The following SUGCT variants were observed in gnomAD, a reference collection of about 807,000 sequenced individuals.
SUGCT encodes the protein succinyl-CoA:glutarate CoA-transferase.
A neutral mutation model predicts 55.0 loss-of-function variants in SUGCT; 41 were observed. That is an observed-to-expected ratio of 0.74 (90% CI 0.58 to 0.97). The LOEUF (loss-of-function observed/expected upper bound fraction) is 0.97, where lower values mean the gene tolerates loss of function less well. Ranked by LOEUF, SUGCT falls within the 50% of genes least tolerant of loss-of-function variation. The probability of loss-of-function intolerance (pLI) is 0.00; values close to 1 mark genes in which losing one functional copy is unlikely to be tolerated. For missense variants in SUGCT, 568 were observed against 547.8 expected, an observed-to-expected ratio of 1.04 and a Z score of -0.37; for synonymous variants, 187 against 200.4, an observed-to-expected ratio of 0.93 and a Z score of 0.56.
the SUGCT span, among the ~76,000 whole-genome samples, chr7:40,985,090 G>A: frequency 6.6e-6 from 1 of 152,166 alleles, no homozygotes; most frequent in South Asian, 2.1e-4. Context: ...TTGGGTGTAT[G>A]TTTTAACTAG....
chr7:40,493,557 C>G (rs1234196377), intron 11 of SUGCT, among the ~76,000 whole-genome samples: 1 of 152,058 alleles, frequency 6.6e-6, no homozygotes, highest in African/African-American at 2.4e-5. Flanking sequence ...ATACTCATTC[C>G]CAGTATTAAG....
the SUGCT span, among the ~76,000 whole-genome samples, chr7:40,987,462 G>T: frequency 1.1e-4 from 17 of 152,134 alleles, no homozygotes; most frequent in Non-Finnish European, 1.8e-4. Context: ...ACTTAATAAG[G>T]TTTGTGTTAC....
chr7:40,858,645 TA>T (rs1794324584), intron 13 of SUGCT, among the ~76,000 whole-genome samples: 1 of 152,148 alleles, frequency 6.6e-6, no homozygotes, highest in African/African-American at 2.4e-5. Flanking sequence ...GTCAGATGCC[TA>T]AACCATCACA....
intron 13 of SUGCT, among the ~76,000 whole-genome samples, chr7:40,809,470 CTT>C (rs1385770270): frequency 6.6e-6 from 1 of 152,048 alleles, no homozygotes; most frequent in Non-Finnish European, 1.5e-5. Context: ...AAAAAAGTAA[CTT>C]ATTTTTCTAC....
At chr7:40,970,068 T>G in the SUGCT span, among the ~76,000 whole-genome samples, 1 of 152,198 alleles carries the variant, frequency 6.6e-6, no homozygotes, top group Admixed American at 6.5e-5. Flanking sequence ...AAAATATTGA[T>G]GGCAATACAA....
intron 12 of SUGCT, among the ~76,000 whole-genome samples, chr7:40,609,462 G>A (rs1798673414): frequency 6.6e-6 from 1 of 151,390 alleles, no homozygotes; most frequent in Admixed American, 6.6e-5. Context: ...AGCTACTTGG[G>A]AGGCTGAGGC....
At chr7:40,566,258 C>G (rs1190721557) in intron 12 of SUGCT, among the ~76,000 whole-genome samples, 1 of 123,984 alleles carries the variant, frequency 8.1e-6, no homozygotes, top group Admixed American at 8.3e-5. Context: ...AACACAGATA[C>G]TATTAGTATT....
At chr7:40,378,221 C>G (rs200791018) in intron 9 of SUGCT, among the ~76,000 whole-genome samples, 1 of 120,438 alleles carries the variant, frequency 8.3e-6, no homozygotes, top group Admixed American at 8.1e-5. Context: ...CTCTCTTCTC[C>G]TCTTTTTTTT....
At chr7:40,315,197 C>T (rs1795362281) in intron 8 of SUGCT, among the ~76,000 whole-genome samples, 1 of 152,198 alleles carries the variant, frequency 6.6e-6, no homozygotes, top group Non-Finnish European at 1.5e-5. Context: ...AGGTAAATTA[C>T]ATACCCACAG....
intron 13 of SUGCT, among the ~76,000 whole-genome samples, chr7:40,844,157 C>T (rs996655223): frequency 2.6e-5 from 4 of 152,116 alleles, no homozygotes; most frequent in African/African-American, 9.7e-5. Flanking sequence ...GAAGGGGTGT[C>T]TGCAACTCCC....
the SUGCT span, among the ~76,000 whole-genome samples, chr7:40,923,993 A>G: frequency 1.3e-5 from 2 of 152,110 alleles, no homozygotes; most frequent in Admixed American, 6.6e-5. Context: ...TCTCTCATGA[A>G]TGGGATTAGT....
In SUGCT at chr7:40,145,441, C is replaced by G. The variant is rs576701997; in HGVS notation, c.100+10321C>G. On this transcript the variant is annotated intron_variant, in intron 1 of 13. Transcript: ENST00000335693. ...TTGCAACATCCCTTTCTTTAAACAACCAGTTAATTTATTTTAGGACAAGAA... is the reference window on the plus strand; with the variant it reads ...TTGCAACATCCCTTTCTTTAAACAAGCAGTTAATTTATTTTAGGACAAGAA... 1.6e-4 allele frequency among the ~76,000 whole-genome samples: 25 copies of G among 152,052 alleles called. No individual in the cohort carries two copies. The South Asian group carries it at 5.0e-3, about 30-fold the overall frequency.
chr7:40,650,139 C>T (rs1458124685), intron 12 of SUGCT, among the ~76,000 whole-genome samples: 1 of 152,150 alleles, frequency 6.6e-6, no homozygotes, highest in African/African-American at 2.4e-5. Flanking sequence ...TGGATGGAGG[C>T]CTCTCTCAGT....
intron 13 of SUGCT, among the ~76,000 whole-genome samples, chr7:40,815,875 C>A (rs1355590819): frequency 1.3e-5 from 2 of 152,302 alleles, no homozygotes; most frequent in Admixed American, 1.3e-4. Context: ...GTACCACAGT[C>A]TATGCCCAGG....
intron 12 of SUGCT, among the ~76,000 whole-genome samples, chr7:40,511,600 A>C (rs1792934980): frequency 6.6e-6 from 1 of 152,230 alleles, no homozygotes; most frequent in African/African-American, 2.4e-5. Flanking sequence ...AGTATGTGAA[A>C]ACTTCACTTT....
At chr7:40,274,389 G>T in intron 7 of SUGCT, 124 bp from the exon 8 acceptor site, 1 of 920,276 alleles carries the variant, frequency 1.1e-6, no homozygotes, top group Non-Finnish European at 1.6e-6. Context: ...ACTTTCTTGT[G>T]TGTATGTGTC....
chr7:40,311,440 T>A (rs1242860029), intron 8 of SUGCT, among the ~76,000 whole-genome samples: 1 of 152,250 alleles, frequency 6.6e-6, no homozygotes, highest in Non-Finnish European at 1.5e-5. Flanking sequence ...TCTGAAATGA[T>A]CATTCTGCAA....
downstream of SUGCT, among the ~76,000 whole-genome samples, chr7:40,861,138 T>C (rs996224904): frequency 6.6e-6 from 1 of 152,222 alleles, no homozygotes; most frequent in Non-Finnish European, 1.5e-5. Context: ...AGAAAGTCAA[T>C]ATTCCCAGTG....
intron 12 of SUGCT, among the ~76,000 whole-genome samples, chr7:40,586,689 A>G (rs1257733586): frequency 6.6e-6 from 1 of 152,204 alleles, no homozygotes; most frequent in Non-Finnish European, 1.5e-5. Flanking sequence ...TTTACAGGCC[A>G]CATACTAGTT....
Sources: allele counts gnomAD v4.1 joint callset (sites outside exome capture counted in the v4.1 genomes callset), GRCh38; gene constraint gnomAD v4.1.1; transcripts MANE v1.5; gene names NCBI Gene and HGNC (gene_info 2026-07-23, HGNC 2026-07-21).